MTBP: variants seen among roughly 807,000 people sequenced by gnomAD.
MTBP encodes the protein mdm2-binding protein.
In MTBP, 101 loss-of-function variants were observed where a neutral mutation model predicts 117.0. The observed-to-expected ratio is 0.86, with a 90% confidence interval of 0.73 to 1.02. The LOEUF (loss-of-function observed/expected upper bound fraction) is 1.02. Among genes scored for constraint, MTBP ranks in the 50% least tolerant of loss-of-function variants. The pLI is 0.00. For synonymous variants in MTBP, 350 were observed against 351.5 expected (o/e 1.00, Z 0.05); for missense variants, 970 against 1,030.9 (o/e 0.94, Z 0.81).
intron 18 of MTBP, among the ~76,000 whole-genome samples, chr8:120,517,177 A>T (rs770356719): frequency 3.9e-5 from 6 of 152,038 alleles, no homozygotes; most frequent in Non-Finnish European, 5.9e-5. Context: ...ACAAATGTAA[A>T]CATTTTAGGA....
chr8:120,463,989 T>A (rs1813636117), intron 10 of MTBP, among the ~76,000 whole-genome samples: 1 of 152,088 alleles, frequency 6.6e-6, no homozygotes. Flanking sequence ...TTTTAGGAGA[T>A]ATTTTCAGAA....
intron 10 of MTBP, among the ~76,000 whole-genome samples, chr8:120,466,251 G>T (rs1426031100): frequency 2.4e-5 from 3 of 125,618 alleles, no homozygotes; most frequent in African/African-American, 6.4e-5. Flanking sequence ...TCGCTCTATT[G>T]CCCAGGCTGG....
chr8:120,495,115 C>A (rs925477555), intron 13 of MTBP, among the ~76,000 whole-genome samples: 1 of 151,968 alleles, frequency 6.6e-6, no homozygotes, highest in Admixed American at 6.6e-5. Flanking sequence ...TTGGTTGGTG[C>A]ACTTCTTCCA....
intron 10 of MTBP, among the ~76,000 whole-genome samples, chr8:120,466,610 C>CG (rs1563789247): frequency 6.6e-6 from 1 of 151,808 alleles, no homozygotes; most frequent in Non-Finnish European, 1.5e-5. Flanking sequence ...CGGTGGCTCA[C>CG]GCCTTTAATT....
chr8:120,448,430 C>G (rs546319842), intron 2 of MTBP, among the ~76,000 whole-genome samples: 6 of 152,238 alleles, frequency 3.9e-5, no homozygotes, highest in African/African-American at 1.4e-4. Context: ...TTCTTTATCT[C>G]TCTCTTTTTA....
chr8:120,478,933 A>G (rs947432610), intron 11 of MTBP, among the ~76,000 whole-genome samples: 2 of 152,214 alleles, frequency 1.3e-5, no homozygotes, highest in African/African-American at 4.8e-5. Context: ...CATATACACC[A>G]TGAAATACTG....
chr8:120,446,433 A>G lies in MTBP; in HGVS notation c.119A>G (p.Asp40Gly). The G allele has an allele frequency of 6.3e-7, 1 of 1,598,698 alleles. No individual in the cohort carries two copies. The highest frequency in any genetic ancestry group is 8.6e-7 in the Non-Finnish European group (1 of 1,166,422). Residue 40 changes from aspartate (D) to glycine (G), a missense_variant and splice_region_variant, in exon 2 of 22, where the codon GAC becomes GGC. Coordinates refer to ENST00000305949, the MANE Select transcript of MTBP (RefSeq NM_022045.5). ...AGTTAGTCTATCTTTTCTTTTTCAG[A>G]CTTCACAGCAGCAAATGTTTATCAC... ...SSGEGTENQP[D>G]FTAANVYHLL...
rs542852807 is a variant in MTBP, at chr8:120,473,767, A to C, written c.1165+2830A>C. On this transcript the variant is annotated intron_variant, in intron 11 of 21. Coordinates refer to ENST00000305949, the MANE Select transcript of MTBP (RefSeq NM_022045.5). ...TGGCACTTGCTAAAACAAAATCAGAAATAGATTTTCTGAGTGGCAATATAG... is the reference window on the plus strand; with the variant it reads ...TGGCACTTGCTAAAACAAAATCAGACATAGATTTTCTGAGTGGCAATATAG... The C allele has an allele frequency of 5.3e-5, 8 of 152,234 alleles. No homozygotes were observed. In the South Asian group the frequency reaches 1.7e-3, roughly 32 times the overall value. The allele number at this position is 152,234 out of a possible 1,614,324, so 9.4% of individuals were successfully genotyped here.
intron 18 of MTBP, among the ~76,000 whole-genome samples, chr8:120,517,604 T>C (rs1239817219): frequency 1.3e-5 from 2 of 151,880 alleles, no homozygotes; most frequent in Non-Finnish European, 2.9e-5. Context: ...ATTTATGTTA[T>C]AATGGATATA....
intron 10 of MTBP, among the ~76,000 whole-genome samples, chr8:120,465,286 G>T (rs1813663299): frequency 6.6e-6 from 1 of 152,104 alleles, no homozygotes. Context: ...TGGTATAGTA[G>T]AAAGTCTTAA....
intron 2 of MTBP, among the ~76,000 whole-genome samples, chr8:120,449,099 G>A (rs530388047): frequency 3.9e-4 from 60 of 152,274 alleles, no homozygotes; most frequent in African/African-American, 1.2e-3. Flanking sequence ...TGTACTGGGG[G>A]ATTCTGTAGA....
chr8:120,454,699 T>A (rs938104435), intron 5 of MTBP, among the ~76,000 whole-genome samples: 2 of 152,028 alleles, frequency 1.3e-5, no homozygotes, highest in Non-Finnish European at 2.9e-5. Flanking sequence ...AAGCCCCACA[T>A]AGAAAAATAA....
At chr8:120,504,745 A>G (rs1814657728) in intron 15 of MTBP, among the ~76,000 whole-genome samples, 2 of 151,704 alleles carry the variant, frequency 1.3e-5, no homozygotes, top group South Asian at 4.2e-4. Context: ...ACCTATTTTA[A>G]TTAATATTAA....
chr8:120,458,276 G>A (rs79160404), intron 7 of MTBP, among the ~76,000 whole-genome samples: 2,078 of 152,110 alleles, frequency 0.014, 42 homozygotes, highest in African/African-American at 0.046. Flanking sequence ...CTAGTTTAAC[G>A]TAGCATGTTG....
intron 15 of MTBP, among the ~76,000 whole-genome samples, chr8:120,503,909 AG>A: frequency 6.6e-6 from 1 of 152,194 alleles, no homozygotes; most frequent in South Asian, 2.1e-4. Context: ...CAGTCGAGTG[AG>A]TGGTGTTCTT....
rs1183892041 is a variant in MTBP at position 120,445,443 on chromosome 8, C to T, written c.-28C>T. ...TCTGTTTGGATGTGGAAGCCGAGAC[C>T]TAAAGTTGGGGGGTGATCTCTGAGG... On this transcript the variant is annotated 5_prime_UTR_variant, in exon 1 of 22. Coordinates refer to ENST00000305949, the MANE Select transcript of MTBP (RefSeq NM_022045.5). The T allele has an allele frequency of 4.4e-6, 7 of 1,595,762 alleles. No homozygotes were observed. Among genetic ancestry groups the T allele is most frequent in the Non-Finnish European group, 5.1e-6 (6 of 1,165,654 alleles).
chr8:120,448,069 C>G (rs927976042), intron 2 of MTBP, among the ~76,000 whole-genome samples: 1 of 151,968 alleles, frequency 6.6e-6, no homozygotes, highest in Non-Finnish European at 1.5e-5. Context: ...GTAGCAGGGA[C>G]TATAGGCATG....
chr8:120,490,130 T>G (rs1268060660), intron 12 of MTBP, among the ~76,000 whole-genome samples: 2 of 152,136 alleles, frequency 1.3e-5, no homozygotes, highest in African/African-American at 2.4e-5. Flanking sequence ...CAATGGCTTT[T>G]GGGGGTATCT....
At chr8:120,512,431 C>T (rs573015521) in intron 17 of MTBP, among the ~76,000 whole-genome samples, 65 of 151,944 alleles carry the variant, frequency 4.3e-4, no homozygotes, top group Admixed American at 2.0e-4. Flanking sequence ...GTCTCCATCT[C>T]GCTACTCTTT....
Sources: gnomAD v4.1 joint callset for allele counts (sites outside exome capture counted in the v4.1 genomes callset) on GRCh38, gnomAD v4.1.1 for gene constraint, MANE v1.5 for transcripts, NCBI Gene and HGNC (gene_info 2026-07-23, HGNC 2026-07-21) for gene names.